The following TRPM3 variants were observed in gnomAD, a reference collection of about 807,000 sequenced individuals.
TRPM3 encodes the protein transient receptor potential cation channel subfamily M member 3, also known as long transient receptor potential channel 3.
TRPM3 carries 77 observed loss-of-function variants against 181.2 expected under a neutral mutation model. The ratio of observed to expected loss-of-function variants is 0.42; its 90% CI spans 0.35 to 0.51. The LOEUF is 0.51. Ranked by LOEUF, TRPM3 falls within the 20% of genes least tolerant of loss-of-function variation. The probability of loss-of-function intolerance (pLI) is 0.01; values close to 1 mark genes in which losing one functional copy is unlikely to be tolerated. For synonymous variants in TRPM3, 745 were observed against 796.4 expected, an observed-to-expected ratio of 0.94 and a Z score of 1.09; for missense variants, 1,759 against 2,196.7, an observed-to-expected ratio of 0.80 and a Z score of 3.98.
At chr9:71,399,698 T>C (rs1186430080) in intron 1 of TRPM3, among the ~76,000 whole-genome samples, 2 of 151,866 alleles carry the variant, frequency 1.3e-5, no homozygotes, top group Admixed American at 1.3e-4. Flanking sequence ...CCAGCTAATT[T>C]TTTTTTGTAG....
At chr9:70,833,933 T>A (rs2094125943) in intron 5 of TRPM3, among the ~76,000 whole-genome samples, 1 of 150,804 alleles carries the variant, frequency 6.6e-6, no homozygotes, top group Admixed American at 6.6e-5. Context: ...CACTGAGAAG[T>A]GGGAAGGAAC....
intron 1 of TRPM3, among the ~76,000 whole-genome samples, chr9:70,927,455 C>T (rs1418438429): frequency 6.6e-6 from 1 of 152,148 alleles, no homozygotes; most frequent in Non-Finnish European, 1.5e-5. Flanking sequence ...TTTCAATGCA[C>T]TGGCAAAGAC....
chr9:70,968,725 C>A (rs1263430493), intron 1 of TRPM3, among the ~76,000 whole-genome samples: 1 of 151,980 alleles, frequency 6.6e-6, no homozygotes, highest in East Asian at 1.9e-4. Flanking sequence ...CATATATTTT[C>A]TCATTTGATG....
At chr9:70,906,803 T>C (rs1267944752) in intron 1 of TRPM3, among the ~76,000 whole-genome samples, 1 of 152,106 alleles carries the variant, frequency 6.6e-6, no homozygotes, top group Non-Finnish European at 1.5e-5. Context: ...CTCAGGAGGC[T>C]GAGGCAGGAG....
chr9:70,942,315 C>T (rs2096893847), intron 1 of TRPM3, among the ~76,000 whole-genome samples: 1 of 152,194 alleles, frequency 6.6e-6, no homozygotes, highest in African/African-American at 2.4e-5. Flanking sequence ...ATTAATCTTT[C>T]AGGTGCAGCA....
intron 22 of TRPM3, among the ~76,000 whole-genome samples, chr9:70,583,500 T>C (rs1400000079): frequency 5.3e-5 from 8 of 152,154 alleles, no homozygotes; most frequent in Admixed American, 5.2e-4. Context: ...ATGGTCAAGA[T>C]GGAACAAGCG....
intron 1 of TRPM3, among the ~76,000 whole-genome samples, chr9:70,878,294 G>T (rs1313673659): frequency 6.6e-6 from 1 of 152,088 alleles, no homozygotes; most frequent in Admixed American, 6.6e-5. Context: ...AAGCATAGCT[G>T]TGGAGTTAAT....
intron 1 of TRPM3, among the ~76,000 whole-genome samples, chr9:71,224,824 T>G (rs1018086734): frequency 2.6e-5 from 4 of 151,618 alleles, no homozygotes; most frequent in African/African-American, 9.7e-5. Flanking sequence ...ACTGGCATAC[T>G]GAAGAATGCA....
chr9:71,166,452 G>C (rs1275711675), intron 1 of TRPM3, among the ~76,000 whole-genome samples: 1 of 152,040 alleles, frequency 6.6e-6, no homozygotes, highest in African/African-American at 2.4e-5. Context: ...AGGATCTAGA[G>C]ACCATATTGT....
chr9:71,096,910 G>C (rs1459959255), intron 1 of TRPM3, among the ~76,000 whole-genome samples: 1 of 152,098 alleles, frequency 6.6e-6, no homozygotes, highest in Non-Finnish European at 1.5e-5. Flanking sequence ...ACAGCTGCTG[G>C]AGTCTATCTG....
chr9:70,547,535 C>CAA (rs58051483), intron 25 of TRPM3, among the ~76,000 whole-genome samples: 7 of 119,328 alleles, frequency 5.9e-5, no homozygotes, highest in South Asian at 3.1e-4. Context: ...CTTACAAATG[C>CAA]AAAAAAAAAA....
chr9:71,233,648 A>G (rs982363426), intron 1 of TRPM3, among the ~76,000 whole-genome samples: 7 of 152,246 alleles, frequency 4.6e-5, no homozygotes, highest in African/African-American at 1.7e-4. Context: ...TCTACATTAA[A>G]TGAGAACATT....
intron 1 of TRPM3, among the ~76,000 whole-genome samples, chr9:70,902,752 T>C (rs1157752037): frequency 6.6e-6 from 1 of 152,242 alleles, no homozygotes; most frequent in Non-Finnish European, 1.5e-5. Context: ...TGCTGCCTAA[T>C]GCATCCCTCA....
chr9:71,159,506 C>T (rs990954173), intron 1 of TRPM3, among the ~76,000 whole-genome samples: 2 of 152,002 alleles, frequency 1.3e-5, no homozygotes, highest in African/African-American at 4.8e-5. Context: ...AAAGAAAACA[C>T]ACATATGTTT....
chr9:70,631,474 C>T (rs922335447), intron 12 of TRPM3, among the ~76,000 whole-genome samples: 1 of 151,356 alleles, frequency 6.6e-6, no homozygotes, highest in African/African-American at 2.4e-5. Context: ...AAATAGCATC[C>T]TCTTTTGGTG....
intron 1 of TRPM3, among the ~76,000 whole-genome samples, chr9:71,019,741 G>T (rs1265196719): frequency 1.3e-5 from 2 of 152,016 alleles, no homozygotes; most frequent in Non-Finnish European, 2.9e-5. Flanking sequence ...GAATTTAAAT[G>T]AAAATTTAAA....
intron 6 of TRPM3, among the ~76,000 whole-genome samples, chr9:70,792,290 AAGCCTCTGT>A (rs2085638612): frequency 2.0e-5 from 3 of 152,106 alleles, no homozygotes. Flanking sequence ...TTGGGGAATG[AAGCCTCTGT>A]TAGTGGTGGT....
At chr9:70,772,716 G>T (rs1265879024) in intron 7 of TRPM3, among the ~76,000 whole-genome samples, 1 of 152,188 alleles carries the variant, frequency 6.6e-6, no homozygotes, top group Non-Finnish European at 1.5e-5. Flanking sequence ...GGGACATTTA[G>T]ATGAAAAATC....
intron 1 of TRPM3, among the ~76,000 whole-genome samples, chr9:71,058,030 T>C (rs747437970): frequency 7.2e-5 from 11 of 152,216 alleles, no homozygotes; most frequent in Middle Eastern, 6.8e-3. Context: ...CATTATCTTG[T>C]GTGTTATCAA....
Sources: allele counts gnomAD v4.1 joint callset (sites outside exome capture counted in the v4.1 genomes callset), GRCh38; gene constraint gnomAD v4.1.1; transcripts MANE v1.5; gene names NCBI Gene and HGNC (gene_info 2026-07-23, HGNC 2026-07-21).